Variants in LARS2 observed in about 807,000 individuals in gnomAD.
LARS2 encodes leucyl-tRNA synthetase 2, mitochondrial.
In LARS2, 81 loss-of-function variants were observed where a neutral mutation model predicts 116.6. The ratio of observed to expected loss-of-function variants is 0.69; its 90% CI spans 0.58 to 0.84. The LOEUF is 0.84. LARS2 is among the 40% of genes least tolerant of loss of function. The probability of loss-of-function intolerance (pLI) is 0.00; values close to 1 mark genes in which losing one functional copy is unlikely to be tolerated. For missense variants in LARS2, 968 were observed against 1,114.5 expected (o/e 0.87, Z 1.87); for synonymous variants, 396 against 407.2 (o/e 0.97, Z 0.33).
At chr3:45,396,996 G>T (rs1164401204) in intron 3 of LARS2, among the ~76,000 whole-genome samples, 1 of 152,188 alleles carries the variant, frequency 6.6e-6, no homozygotes, top group Non-Finnish European at 1.5e-5. Flanking sequence ...TCCTATTGAG[G>T]TGCTCCTTTT....
At position 45,475,810 on chromosome 3, in the gene LARS2, T is replaced by G. The variant is rs533590743; in HGVS notation, c.859-658T>G. Reference sequence around the variant, plus strand: ...CAGTTAGGCCAAGTGGTAGACTGTCTTTTAGTTCATTATTGGCACTCTGTC... The same window carrying G: ...CAGTTAGGCCAAGTGGTAGACTGTCGTTTAGTTCATTATTGGCACTCTGTC... On this transcript the variant is annotated intron_variant, in intron 9 of 21. Coordinates refer to ENST00000645846, the MANE Select transcript of LARS2 (RefSeq NM_015340.4). Among the ~76,000 whole-genome samples the G allele has an allele frequency of 1.9e-4, 29 of 152,318 alleles. 1 individual carries two copies. The South Asian group carries it at 6.0e-3, about 32-fold the overall frequency.
rs1460491908 is a variant in LARS2 at position 45,415,857 on chromosome 3, A to AT, written c.364-1625_364-1624insT. Among the ~76,000 whole-genome samples, 145 of 102,996 alleles carry AT rather than the reference A, an allele frequency of 1.4e-3. 1 individual carries two copies. Among genetic ancestry groups the AT allele is most frequent in the Admixed American group, 3.1e-3 (35 of 11,240 alleles). 67.6% of individuals were successfully genotyped at this position (102,996 alleles called of 152,430 possible). ...AGCAAGACTCCATCTCAAAAAAAAA[A>AT]AAAATATATATATATATATAGAGAG... On this transcript the variant is annotated intron_variant, in intron 4 of 21. Transcript: ENST00000645846.
At chr3:45,480,440 G>A (rs566433839) in intron 10 of LARS2, among the ~76,000 whole-genome samples, 1 of 152,260 alleles carries the variant, frequency 6.6e-6, no homozygotes, top group Non-Finnish European at 1.5e-5. Context: ...CTTCTTTCCA[G>A]TGGGTGCCCT....
intron 20 of LARS2, among the ~76,000 whole-genome samples, chr3:45,524,485 C>T (rs1700505514): frequency 6.6e-6 from 1 of 152,196 alleles, no homozygotes; most frequent in African/African-American, 2.4e-5. Context: ...TCTAAACTTA[C>T]ACTGTAATTC....
intron 20 of LARS2, among the ~76,000 whole-genome samples, chr3:45,539,169 A>G (rs933204122): frequency 3.3e-5 from 5 of 152,198 alleles, no homozygotes; most frequent in Admixed American, 3.3e-4. Flanking sequence ...CACAAAAGAA[A>G]TTACTAATAG....
chr3:45,516,443 G>A (rs1016744408), intron 17 of LARS2, among the ~76,000 whole-genome samples, 167 bp downstream of exon 17: 2 of 152,126 alleles, frequency 1.3e-5, no homozygotes, highest in South Asian at 2.1e-4. Flanking sequence ...ACTCTTAGAC[G>A]GGTGTTGACA....
intron 20 of LARS2, among the ~76,000 whole-genome samples, chr3:45,529,669 C>T (rs1222179324): frequency 3.9e-5 from 6 of 152,120 alleles, no homozygotes; most frequent in South Asian, 2.1e-4. Context: ...GCTTTTGATG[C>T]ACACTCTCAA....
At position 45,516,094 on chromosome 3, in the gene LARS2, G is replaced by T; in HGVS notation, c.1862G>T (p.Gly621Val). 1 of 1,613,610 alleles carries T rather than the reference G, an allele frequency of 6.2e-7. No homozygotes were observed. The change falls in exon 17 of 22, where the codon GGT becomes GTT. Residue 621 changes from glycine to valine, a missense_variant and splice_region_variant. By Grantham distance (109) the Gly-to-Val change is moderately radical. Transcript: ENST00000645846. ...YLQREEVDLTGSVPVHAKTKE... is the reference protein window; with the variant it reads ...YLQREEVDLTVSVPVHAKTKE... ...ACCTATGGATTATTTTGGCATCTAG[G>T]TTCCGTTCCTGTTCATGCAAAAACG...
intron 8 of LARS2, among the ~76,000 whole-genome samples, chr3:45,463,561 T>G (rs1006593396): frequency 3.9e-5 from 6 of 152,162 alleles, no homozygotes; most frequent in African/African-American, 1.4e-4. Context: ...ATTTTACTGA[T>G]GAGCAGACTG....
Position 45,508,612 on chromosome 3 carries a change from C to T in LARS2, c.1761-4523C>T, listed in dbSNP as rs917433506. ...GATCTGCAGCCTGGCAGGCCACTCT[C>T]GCACCAGGTCAGGGGAGTGGGCAGC... On this transcript the variant is annotated intron_variant, in intron 15 of 21. Coordinates refer to ENST00000645846, the MANE Select transcript of LARS2 (RefSeq NM_015340.4). Among the ~76,000 whole-genome samples, 8 of 151,980 alleles carry T rather than the reference C, an allele frequency of 5.3e-5. 1 individual carries two copies. Among genetic ancestry groups the T allele is most frequent in the Non-Finnish European group, 8.8e-5 (6 of 67,928 alleles).
At chr3:45,466,944 C>G (rs1699435018) in intron 8 of LARS2, among the ~76,000 whole-genome samples, 1 of 152,248 alleles carries the variant, frequency 6.6e-6, no homozygotes, top group African/African-American at 2.4e-5. Flanking sequence ...CTCTTGGGGA[C>G]AGTTCCCAAG....
chr3:45,419,728 G>C lies in LARS2; in HGVS notation c.515G>C (p.Arg172Thr), dbSNP rs1300138565. ...DRLGLCFSWDREITTCLPDYY... is the reference protein window; with the variant it reads ...DRLGLCFSWDTEITTCLPDYY... ...CTGGGCCTGTGTTTCAGCTGGGATA[G>C]GGTAAGTCAACTCTTTTTCCTGAAA... Residue 172 changes from arginine to threonine, a missense_variant and splice_region_variant, in exon 6 of 22, where the codon AGG becomes ACG. By Grantham distance (71) the Arg-to-Thr change is moderately conservative (BLOSUM62 -1). Coordinates refer to ENST00000645846, the MANE Select transcript of LARS2 (RefSeq NM_015340.4). 13 of 1,612,394 alleles carry C rather than the reference G, an allele frequency of 8.1e-6. No homozygotes were observed. The highest frequency in any genetic ancestry group is 1.1e-5 in the Non-Finnish European group (13 of 1,178,482).
chr3:45,464,430 T>G (rs891684366), intron 8 of LARS2, among the ~76,000 whole-genome samples: 3 of 152,142 alleles, frequency 2.0e-5, no homozygotes, highest in African/African-American at 7.2e-5. Flanking sequence ...CTCTAGAAAT[T>G]GGGCCTCTTG....
intron 13 of LARS2, among the ~76,000 whole-genome samples, chr3:45,492,211 A>C (rs1393189351): frequency 6.6e-6 from 1 of 152,218 alleles, no homozygotes; most frequent in Non-Finnish European, 1.5e-5. Context: ...CTGTAACAAC[A>C]GTGGAGATTT....
At chr3:45,485,634 C>A in intron 10 of LARS2, 58 bp from the exon 11 acceptor site, 2 of 897,864 alleles carry the variant, frequency 2.2e-6, no homozygotes, top group South Asian at 1.7e-5. Flanking sequence ...CTCTGAGATT[C>A]AGATGGTGTT....
intron 4 of LARS2, among the ~76,000 whole-genome samples, chr3:45,405,019 A>G (rs1004427012): frequency 3.9e-5 from 6 of 152,148 alleles, no homozygotes; most frequent in Non-Finnish European, 7.3e-5. Context: ...GGAGGTCTAT[A>G]TGTCATCCAC....
chr3:45,402,599 T>C (rs186196515), intron 4 of LARS2, among the ~76,000 whole-genome samples: 1 of 152,360 alleles, frequency 6.6e-6, no homozygotes, highest in East Asian at 1.9e-4. Context: ...TGAAATTTTA[T>C]GCTGAGCTGA....
intron 10 of LARS2, among the ~76,000 whole-genome samples, chr3:45,484,659 A>G (rs1317208364): frequency 1.7e-5 from 2 of 115,138 alleles, no homozygotes; most frequent in African/African-American, 3.1e-5. Context: ...TTAAAATAAG[A>G]TGTTATTTTA....
chr3:45,504,887 C>T (rs566616458), intron 15 of LARS2, among the ~76,000 whole-genome samples: 4 of 151,636 alleles, frequency 2.6e-5, no homozygotes, highest in Admixed American at 1.3e-4. Flanking sequence ...CGAGACCAGC[C>T]TGGCCAACAT....
Sources: gnomAD v4.1 joint callset for allele counts (sites outside exome capture counted in the v4.1 genomes callset) on GRCh38, gnomAD v4.1.1 for gene constraint, MANE v1.5 for transcripts, NCBI Gene and HGNC (gene_info 2026-07-23, HGNC 2026-07-21) for gene names.